PNLIP: variants seen among roughly 807,000 people sequenced by gnomAD.
PNLIP encodes pancreatic lipase.
In PNLIP, 49 loss-of-function variants were observed where a neutral mutation model predicts 57.1. The observed-to-expected ratio is 0.86, with a 90% CI of 0.68 to 1.09. PNLIP has a LOEUF of 1.09. PNLIP is among the 50% of genes least tolerant of loss of function. The pLI, the probability that PNLIP is intolerant of heterozygous loss-of-function variation, is 0.00. For missense variants in PNLIP, 503 were observed against 570.2 expected, an observed-to-expected ratio of 0.88 and a Z score of 1.20; for synonymous variants, 209 against 200.4, an observed-to-expected ratio of 1.04 and a Z score of -0.36.
At chr10:116,548,623 G>A (rs908075963) in intron 4 of PNLIP, 141 bp downstream of exon 4, 1 of 935,444 alleles carries the variant, frequency 1.1e-6, no homozygotes, top group Admixed American at 2.5e-5. Flanking sequence ...GGAGTTCCTA[G>A]GGGAGGTCAA....
At position 116,555,522 on chromosome 10, in the gene PNLIP, T is replaced by G. The variant is rs986900017; in HGVS notation, c.811+15T>G. 2 of 1,609,188 alleles carry G rather than the reference T, an allele frequency of 1.2e-6. No homozygotes were observed. Among genetic ancestry groups the G allele is most frequent in the Non-Finnish European group, 1.7e-6 (2 of 1,178,166 alleles). On this transcript the variant is annotated intron_variant, in intron 8 of 12. Transcript: ENST00000369221. ...AATCTGGGAAGGTAGAACTATTATG[T>G]GTAGAAAGAGATCTTCTTGGGAGAA...
Position 116,555,199 on chromosome 10 carries a change from G to C in PNLIP, c.593G>C (p.Cys198Ser). Residue 198 changes from cysteine to serine, a missense_variant, in exon 7 of 13, where the codon TGC becomes TCC. By Grantham distance (112) the Cys-to-Ser change is moderately radical. Coordinates refer to ENST00000369221, the MANE Select transcript of PNLIP (RefSeq NM_000936.4). The stretch of plus-strand genomic sequence containing the variant: ...TTAGGGTTGGACCCAGCAGAACCTT[G>C]CTTTCAGGGCACACCTGAATTAGTC... Reference protein sequence around the residue: ...RITGLDPAEPCFQGTPELVRL... With the variant: ...RITGLDPAEPSFQGTPELVRL... 6.2e-7 allele frequency: 1 copy of C among 1,614,114 alleles called. No individual in the cohort carries two copies. The highest frequency in any genetic ancestry group is 8.5e-7 in the Non-Finnish European group (1 of 1,179,992).
chr10:116,562,908 T>C (rs751840323), intron 12 of PNLIP, among the ~76,000 whole-genome samples: 41 of 152,162 alleles, frequency 2.7e-4, no homozygotes, highest in Non-Finnish European at 5.4e-4. Flanking sequence ...AATAACTGCA[T>C]TGCAGAACAA....
chr10:116,567,839 A>AGTT lies in PNLIP; in HGVS notation c.*41_*42insGTT. ...TGACCAATGAATTGACTTCTAATAA[A>AGTT]ATCTAGTGGTGATGCATTACATGCC... On this transcript the variant is annotated 3_prime_UTR_variant, in exon 13 of 13. Transcript: ENST00000369221. 1 of 1,445,642 alleles carries AGTT rather than the reference A, an allele frequency of 6.9e-7. No individual in the cohort carries two copies. Among genetic ancestry groups the AGTT allele is most frequent in the Non-Finnish European group, 9.7e-7 (1 of 1,026,264 alleles). The allele number at this position is 1,445,642 out of a possible 1,614,324, so 89.6% of individuals were successfully genotyped here. A position where few individuals can be genotyped will look rare whatever the true frequency, so the allele number is the denominator to read the frequency against.
intron 2 of PNLIP, 104 bp downstream of exon 2, chr10:116,546,242 A>C: frequency 1.0e-6 from 1 of 975,340 alleles, no homozygotes; most frequent in Non-Finnish European, 1.6e-6. Flanking sequence ...ATGAAGATTT[A>C]CTTCAAGGAG....
At chr10:116,550,982 G>C in intron 4 of PNLIP, 116 bp from the exon 5 acceptor site, 1 of 817,620 alleles carries the variant, frequency 1.2e-6, no homozygotes, top group Non-Finnish European at 1.8e-6. Flanking sequence ...TTGCATTAGG[G>C]TTAAAATGAC....
Position 116,556,106 on chromosome 10 carries a change from C to T in PNLIP, c.918C>T (p.Asn306=), listed in dbSNP as rs1168836564. 4 of 1,597,254 alleles carry T rather than the reference C, an allele frequency of 2.5e-6. No individual in the cohort carries two copies. The highest frequency in any genetic ancestry group is 2.2e-5 in the South Asian group (2 of 90,720). Residue 306 remains asparagine (N), a synonymous_variant, in exon 9 of 13, where the codon AAC becomes AAT. Transcript: ENST00000369221. The part of the protein sequence containing the change: ...GFAGFPCASY[N]VFTANKCFPC... ...CTGGATTCCCCTGTGCCTCTTACAA[C>T]GTCTTCACTGCAGTAAGTAGACTCC...
Position 116,547,286 on chromosome 10 carries a change from G to C in PNLIP, c.47-8G>C, listed in dbSNP as rs771579598. The C allele has an allele frequency of 1.2e-6, 2 of 1,613,528 alleles. No individual in the cohort carries two copies. Among genetic ancestry groups the C allele is most frequent in the Non-Finnish European group, 1.7e-6 (2 of 1,179,476 alleles). On this transcript the variant is annotated splice_polypyrimidine_tract_variant and splice_region_variant and intron_variant, in intron 2 of 12. Coordinates refer to ENST00000369221, the MANE Select transcript of PNLIP (RefSeq NM_000936.4). ...TTGTAAAACTAATATCCTTCTGGGG[G>C]ATTGCAGGAAAAGAAGTTTGCTACG... is the stretch of plus-strand genomic sequence containing the variant.
chr10:116,552,058 C>T (rs1478736339), intron 5 of PNLIP, among the ~76,000 whole-genome samples: 1 of 152,138 alleles, frequency 6.6e-6, no homozygotes, highest in African/African-American at 2.4e-5. Flanking sequence ...CACAGCACAA[C>T]ATATTACTCA....
chr10:116,550,874 C>T (rs1312268874), intron 4 of PNLIP, among the ~76,000 whole-genome samples: 3 of 152,160 alleles, frequency 2.0e-5, no homozygotes, highest in Non-Finnish European at 4.4e-5. Flanking sequence ...GTAGAAATCC[C>T]AAGAATCCAG....
At chr10:116,555,626 T>A in intron 8 of PNLIP, 119 bp downstream of exon 8, 1 of 1,144,064 alleles carries the variant, frequency 8.7e-7, no homozygotes, top group Non-Finnish European at 1.2e-6. Flanking sequence ...CAAAAGACTT[T>A]TAATTGTATC....
intron 4 of PNLIP, among the ~76,000 whole-genome samples, chr10:116,550,848 C>G (rs888811867): frequency 1.3e-5 from 2 of 152,168 alleles, no homozygotes; most frequent in Non-Finnish European, 2.9e-5. Flanking sequence ...AACTAAATGT[C>G]TCTGTATCTG....
chr10:116,566,069 A>G (rs764539601), intron 12 of PNLIP, among the ~76,000 whole-genome samples: 16 of 152,178 alleles, frequency 1.1e-4, no homozygotes, highest in Non-Finnish European at 1.9e-4. Context: ...TTGGCCTCCC[A>G]AAGTGCTGGG....
intron 3 of PNLIP, 74 bp downstream of exon 3, chr10:116,547,522 C>G (rs1184169976): frequency 8.3e-7 from 1 of 1,202,134 alleles, no homozygotes; most frequent in East Asian, 2.4e-5. Flanking sequence ...GTCAGGAGAT[C>G]GAGACCATGC....
At chr10:116,549,293 C>T (rs1486211961) in intron 4 of PNLIP, among the ~76,000 whole-genome samples, 1 of 151,748 alleles carries the variant, frequency 6.6e-6, no homozygotes, top group Non-Finnish European at 1.5e-5. Flanking sequence ...CTGGCTAACA[C>T]GGTGAAACCC....
chr10:116,561,522 T>C lies in PNLIP; in HGVS notation c.1220T>C (p.Val407Ala). The C allele has an allele frequency of 9.9e-6, 16 of 1,613,978 alleles. No homozygotes were observed. The highest frequency in any genetic ancestry group is 1.4e-5 in the Non-Finnish European group (16 of 1,179,862). Residue 407 changes from valine (V) to alanine (A), a missense_variant, in exon 12 of 13, where the codon GTG becomes GCG. Physicochemically the swap from Val to Ala is moderately conservative, Grantham distance 64. Transcript: ENST00000369221. ...STHSNEFDSD[V>A]DVGDLQMVKF... The stretch of plus-strand genomic sequence containing the variant: ...CATTCCAATGAATTTGACTCAGATG[T>C]GGATGTTGGGGACTTGCAGATGGTT...
At chr10:116,549,886 G>C (rs1372048412) in intron 4 of PNLIP, among the ~76,000 whole-genome samples, 1 of 151,986 alleles carries the variant, frequency 6.6e-6, no homozygotes, top group East Asian at 1.9e-4. Flanking sequence ...GCTTTGAGAC[G>C]CAGAAACAAG....
chr10:116,550,948 A>G (rs758789951), intron 4 of PNLIP, 150 bp from the exon 5 acceptor site: 2 of 561,850 alleles, frequency 3.6e-6, no homozygotes, highest in Admixed American at 3.7e-5. Context: ...TTATATATCT[A>G]TAACAGACTA....
At position 116,566,900 on chromosome 10, in the gene PNLIP, A is replaced by G. The variant is rs967934348; in HGVS notation, c.1335-835A>G. Among the ~76,000 whole-genome samples, 4 of 152,198 alleles carry G rather than the reference A, an allele frequency of 2.6e-5. No individual in the cohort carries two copies. The East Asian group carries it at 7.7e-4, about 29-fold the overall frequency. ...TTTTTCTGTTCCTGGTAGTTTACAT[A>G]TGGTAAGGTATTTTATTAAAGAAAA... On this transcript the variant is annotated intron_variant, in intron 12 of 12. Transcript: ENST00000369221.
Sources: gnomAD v4.1 joint callset for allele counts (sites outside exome capture counted in the v4.1 genomes callset) on GRCh38, gnomAD v4.1.1 for gene constraint, MANE v1.5 for transcripts, NCBI Gene and HGNC (gene_info 2026-07-23, HGNC 2026-07-21) for gene names.